The following TTLL8 variants were observed in gnomAD, a reference collection of about 807,000 sequenced individuals.
TTLL8 encodes the protein protein monoglycylase TTLL8.
TTLL8 carries 65 observed loss-of-function variants against 77.8 expected under a neutral mutation model. That is an observed-to-expected ratio of 0.84 (90% CI 0.68 to 1.03). TTLL8 has a LOEUF of 1.03. Among genes scored for constraint, TTLL8 ranks in the 50% least tolerant of loss-of-function variants. The pLI is 0.00. For synonymous variants in TTLL8, 402 were observed against 422.8 expected (o/e 0.95, Z 0.60); for missense variants, 910 against 1,004.5 (o/e 0.91, Z 1.27).
rs951757059 is a variant in TTLL8 at position 50,034,868 on chromosome 22, C to T, written c.922-406G>A. ...GGCAGACGCAGCCATGCCCAGCTTC[C>T]GCCTGTGGTTGGTGGTGCCTGGGAC... On this transcript the variant is annotated intron_variant, in intron 8 of 13. Transcript: ENST00000266182. The surrounding 1 kb of genome is among the most constrained non-coding windows in gnomAD (Gnocchi z 4.1). 3.3e-5 allele frequency among the ~76,000 whole-genome samples: 5 copies of T among 152,282 alleles called. No homozygotes were observed. Among genetic ancestry groups the T allele is most frequent in the African/African-American group, 4.8e-5 (2 of 41,564 alleles).
intron 12 of TTLL8, chr22:50,030,069 A>C: frequency 1.3e-6 from 1 of 767,000 alleles, no homozygotes; most frequent in Non-Finnish European, 1.6e-6. Context: ...TCGCTCGGCC[A>C]GGGAGCTTGG....
At chr22:50,030,984 C>A in intron 11 of TTLL8, 59 bp from the exon 13 acceptor site, 2 of 1,279,498 alleles carry the variant, frequency 1.6e-6, no homozygotes, top group South Asian at 2.5e-5. Context: ...GGGGTCCCTG[C>A]AGGAGGGGTC....
chr22:50,055,216 G>C (rs2061464681), upstream of TTLL8: 2 of 1,286,506 alleles, frequency 1.6e-6, no homozygotes, highest in Non-Finnish European at 2.0e-6. Flanking sequence ...TCCCCACCGA[G>C]TCCCAAGGAG....
intron 1 of TTLL8, among the ~76,000 whole-genome samples, chr22:50,053,649 T>C (rs2061455987): frequency 1.3e-5 from 2 of 152,204 alleles, no homozygotes; most frequent in South Asian, 4.1e-4. Context: ...TTATATGAAG[T>C]TCCAGAAAAG....
intron 11 of TTLL8, 23 bp from the exon 13 acceptor site, chr22:50,030,948 G>C (rs1407817310): frequency 3.8e-6 from 5 of 1,311,474 alleles, no homozygotes; most frequent in Non-Finnish European, 5.0e-6. Flanking sequence ...AACAGGTTGG[G>C]GTGCTGGGCT....
chr22:50,050,609 A>C (rs961869335), intron 1 of TTLL8, among the ~76,000 whole-genome samples: 3 of 152,144 alleles, frequency 2.0e-5, no homozygotes, highest in Non-Finnish European at 4.4e-5. Context: ...AAGAGCAAAA[A>C]GTTGGGGGAA....
intron 11 of TTLL8, chr22:50,031,466 T>C (rs1394687229): frequency 1.2e-6 from 1 of 838,860 alleles, no homozygotes; most frequent in Admixed American, 6.2e-5. Flanking sequence ...ACGCCTGGAG[T>C]AGCCCCTTCC....
intron 6 of TTLL8, among the ~76,000 whole-genome samples, chr22:50,043,697 C>A (rs5771320): frequency 0.52 from 78,519 of 151,694 alleles, 20,858 homozygotes; most frequent in Non-Finnish European, 0.58. Flanking sequence ...AAAAGAAAAG[C>A]GCTCTCAAGC....
intron 12 of TTLL8, among the ~76,000 whole-genome samples, chr22:50,028,468 G>T (rs1401868964): frequency 6.6e-6 from 1 of 152,186 alleles, no homozygotes; most frequent in African/African-American, 2.4e-5. Context: ...ATTGCTGCAG[G>T]AGGAACTTCG....
rs111507174 is a variant in TTLL8, at chr22:50,025,280, CAA to C, written c.2203+5148_2203+5149del. On this transcript the variant is annotated intron_variant, in intron 12 of 13. Transcript: ENST00000266182. ...AAAAAAAACAAATTAGCAAAAACTC[CAA>C]AAAAAAAAAAAAAGGCATCACTAAG... Among the ~76,000 whole-genome samples, 1,217 of 126,116 alleles carry C rather than the reference CAA, an allele frequency of 9.6e-3. 17 individuals are homozygous for C. The highest frequency in any genetic ancestry group is 0.035 in the African/African-American group (1,144 of 33,036). 82.7% of individuals were successfully genotyped at this position (126,116 alleles called of 152,430 possible). A position where few individuals can be genotyped will look rare whatever the true frequency, so the allele number is the denominator to read the frequency against.
At position 50,044,596 on chromosome 22, in the gene TTLL8, G is replaced by A. The variant is rs1434400244; in HGVS notation, c.643+659C>T. On this transcript the variant is annotated intron_variant, in intron 6 of 13. Coordinates refer to ENST00000266182, the Ensembl canonical transcript of TTLL8. The surrounding 1 kb of genome is among the most constrained non-coding windows in gnomAD (Gnocchi z 4.2). The stretch of plus-strand genomic sequence containing the variant: ...AGCCTCCTGATTGGCACAAATCACC[G>A]TTTGCTCAAATACACTCTAAAAGTT... Among the ~76,000 whole-genome samples the A allele has an allele frequency of 6.6e-6, 1 of 152,094 alleles. No homozygotes were observed. Among genetic ancestry groups the A allele is most frequent in the African/African-American group, 2.4e-5 (1 of 41,398 alleles).
intron 4 of TTLL8, among the ~76,000 whole-genome samples, 190 bp from the exon 7 acceptor site, chr22:50,046,160 G>A (rs890949537): frequency 6.6e-6 from 1 of 152,214 alleles, no homozygotes; most frequent in Non-Finnish European, 1.5e-5. Context: ...CCTCCAGCCG[G>A]TGGGAGCATG....
chr22:50,027,571 G>C (rs1413163096), intron 12 of TTLL8: 1 of 631,190 alleles, frequency 1.6e-6, no homozygotes, highest in Non-Finnish European at 2.0e-6. Flanking sequence ...TTCTCCCCAA[G>C]ATCTGCAGAT....
chr22:50,031,857 G>C (rs1403936521), exon 11 of TTLL8: 1 of 1,367,318 alleles, frequency 7.3e-7, no homozygotes, highest in Non-Finnish European at 9.8e-7. Context: ...TCCCAAGGAC[G>C]AAGTCAGCCC....
At chr22:50,052,229 G>C (rs904810090) in intron 1 of TTLL8, among the ~76,000 whole-genome samples, 3 of 152,228 alleles carry the variant, frequency 2.0e-5, no homozygotes, top group African/African-American at 7.2e-5. Context: ...CGGTGGGGGA[G>C]CTGGACAGTC....
intron 12 of TTLL8, among the ~76,000 whole-genome samples, chr22:50,019,945 A>G (rs2061185236): frequency 6.6e-6 from 1 of 152,248 alleles, no homozygotes; most frequent in South Asian, 2.1e-4. Context: ...TAATGATGAA[A>G]GAAAAAACAT....
intron 6 of TTLL8, among the ~76,000 whole-genome samples, chr22:50,043,414 GATAGATAGATAA>G (rs2146678880): frequency 2.1e-5 from 2 of 93,140 alleles, no homozygotes; most frequent in East Asian, 6.1e-4. Context: ...TCGGTAGATG[GATAGATAGATAA>G]ACAGTGGTGC....
At chr22:50,055,314 C>T, upstream of TTLL8, 3 of 1,289,862 alleles carry the variant, frequency 2.3e-6, no homozygotes, top group South Asian at 3.7e-5. Context: ...TGGGAAATTC[C>T]TTGTTTTAAT....
chr22:50,028,582 AC>A (rs1254666863), intron 12 of TTLL8, among the ~76,000 whole-genome samples: 10 of 136,482 alleles, frequency 7.3e-5, no homozygotes, highest in African/African-American at 1.7e-4. Context: ...AAAGACCCCC[AC>A]CATGCCCTCG....
Sources: gnomAD v4.1 joint callset for allele counts (sites outside exome capture counted in the v4.1 genomes callset) on GRCh38, gnomAD v4.1.1 for gene constraint, Gnocchi (gnomAD v3.1) non-coding constraint, MANE v1.5 for transcripts, NCBI Gene and HGNC (gene_info 2026-07-23, HGNC 2026-07-21) for gene names.